Variants in PDE8A observed in about 807,000 individuals in gnomAD.
PDE8A encodes high affinity cAMP-specific and IBMX-insensitive 3',5'-cyclic phosphodiesterase 8A.
A neutral mutation model predicts 105.0 loss-of-function variants in PDE8A; 59 were observed. The ratio of observed to expected loss-of-function variants is 0.56; its 90% confidence interval spans 0.46 to 0.70. The LOEUF (loss-of-function observed/expected upper bound fraction) is 0.70. PDE8A is among the 30% of genes least tolerant of loss of function. PDE8A has a pLI of 0.00. For synonymous variants in PDE8A, 355 were observed against 371.9 expected (o/e 0.95, Z 0.52); for missense variants, 1,014 against 1,045.9 (o/e 0.97, Z 0.42).
At chr15:85,115,631 G>T in intron 15 of PDE8A, 144 bp downstream of exon 15, 1 of 569,646 alleles carries the variant, frequency 1.8e-6, no homozygotes, top group Non-Finnish European at 3.0e-6. Context: ...CCCTGAGGCG[G>T]TACTGTCCTC....
intron 1 of PDE8A, among the ~76,000 whole-genome samples, chr15:84,996,729 G>A (rs1330441730): frequency 6.7e-6 from 1 of 148,698 alleles, no homozygotes; most frequent in African/African-American, 2.5e-5. Context: ...AGGAGGCTGA[G>A]GCAGGAAAGT....
At chr15:84,981,111 C>T (rs990310118), upstream of PDE8A, among the ~76,000 whole-genome samples, 7 of 152,236 alleles carry the variant, frequency 4.6e-5, no homozygotes, top group Non-Finnish European at 1.0e-4. Context: ...GGTCAAGTAG[C>T]CGCTAAGTTA....
rs578100200 is a variant in PDE8A at position 85,036,901 on chromosome 15, C to T, written c.187-27469C>T. On this transcript the variant is annotated intron_variant, in intron 1 of 21. Transcript: ENST00000394553. ...TCTGACCCTTTCCTGTCCTCCCTGC[C>T]TCAGAAACAGCAGCTAGCAGATTGG... Among the ~76,000 whole-genome samples the T allele has an allele frequency of 1.3e-5, 2 of 152,216 alleles. 1 individual carries two copies. Among genetic ancestry groups the T allele is most frequent in the South Asian group, 4.1e-4 (2 of 4,820 alleles).
intron 17 of PDE8A, among the ~76,000 whole-genome samples, chr15:85,119,807 G>C (rs2082153460): frequency 6.6e-6 from 1 of 151,994 alleles, no homozygotes; most frequent in Non-Finnish European, 1.5e-5. Context: ...AATGACATTA[G>C]TTAGAAAATA....
At chr15:85,013,388 T>A (rs2080272219) in intron 1 of PDE8A, among the ~76,000 whole-genome samples, 1 of 152,224 alleles carries the variant, frequency 6.6e-6, no homozygotes, top group Non-Finnish European at 1.5e-5. Flanking sequence ...GAATTCTATC[T>A]TTTAGAGTTT....
Position 85,138,623 on chromosome 15 carries a change from A to G in PDE8A, c.*720A>G, listed in dbSNP as rs2082451864. The G allele has an allele frequency of 6.6e-6, 1 of 152,576 alleles. No homozygotes were observed. Among genetic ancestry groups the G allele is most frequent in the Non-Finnish European group, 1.5e-5 (1 of 68,042 alleles). 9.5% of individuals were successfully genotyped at this position (152,576 alleles called of 1,614,324 possible). On this transcript the variant is annotated 3_prime_UTR_variant, in exon 22 of 22. Coordinates refer to ENST00000394553, the MANE Select transcript of PDE8A (RefSeq NM_002605.3). ...CTTTTACTGCACTATAGAAATATTC[A>G]TGTATGTTAAACTTTTCTGATTGAG...
intron 1 of PDE8A, among the ~76,000 whole-genome samples, chr15:85,011,602 A>G (rs289377): frequency 0.75 from 113,324 of 152,018 alleles, 42,336 homozygotes; most frequent in Non-Finnish European, 0.77. Context: ...CCTAGAAGAA[A>G]ACCTAGGCAT....
intron 3 of PDE8A, among the ~76,000 whole-genome samples, chr15:85,071,385 C>T (rs913163705): frequency 6.6e-6 from 1 of 152,220 alleles, no homozygotes; most frequent in Non-Finnish European, 1.5e-5. Flanking sequence ...GCCCCTGATT[C>T]TTTACTTTCT....
chr15:85,071,057 A>C (rs2081302845), intron 3 of PDE8A, among the ~76,000 whole-genome samples: 1 of 152,240 alleles, frequency 6.6e-6, no homozygotes. Flanking sequence ...ATAAAAACCC[A>C]CAAAGATAAG....
chr15:85,005,853 G>A (rs1031605412), intron 1 of PDE8A, among the ~76,000 whole-genome samples: 4 of 152,064 alleles, frequency 2.6e-5, no homozygotes, highest in Non-Finnish European at 4.4e-5. Flanking sequence ...AGGAAATTGG[G>A]CCAAGGGAAC....
At chr15:85,062,850 A>T (rs970558472) in intron 1 of PDE8A, 10 of 152,234 alleles carry the variant, frequency 6.6e-5, no homozygotes, top group Admixed American at 4.6e-4. Context: ...GGGGAAACAG[A>T]TTCCTGGTGC....
intron 1 of PDE8A, among the ~76,000 whole-genome samples, chr15:85,007,425 C>T (rs7175477): frequency 0.12 from 17,559 of 149,344 alleles, 2,077 homozygotes; most frequent in African/African-American, 0.31. Context: ...TCTAGTATGC[C>T]GGTAATGTTG....
intron 20 of PDE8A, among the ~76,000 whole-genome samples, chr15:85,129,065 C>G (rs2082296637): frequency 6.6e-6 from 1 of 152,204 alleles, no homozygotes; most frequent in African/African-American, 2.4e-5. Flanking sequence ...TCACACTGAT[C>G]TTCATGTGCG....
At chr15:85,120,675 T>G in intron 17 of PDE8A, 122 bp from the exon 18 acceptor site, 1 of 661,534 alleles carries the variant, frequency 1.5e-6, no homozygotes, top group South Asian at 2.0e-5. Context: ...TCACGTAGTA[T>G]GCTTTTCTTA....
chr15:85,062,154 T>A (rs1233301366), intron 1 of PDE8A, among the ~76,000 whole-genome samples: 3 of 152,224 alleles, frequency 2.0e-5, no homozygotes, highest in African/African-American at 4.8e-5. Context: ...CTTTCCTGTT[T>A]GTGTGCTTTG....
At chr15:85,047,042 A>G (rs2141409619) in intron 1 of PDE8A, among the ~76,000 whole-genome samples, 1 of 152,372 alleles carries the variant, frequency 6.6e-6, no homozygotes, top group Non-Finnish European at 1.5e-5. Context: ...AAGAACGTGT[A>G]TAATTACTGA....
rs969620238 is a variant in PDE8A, at chr15:85,095,872, A to G, written c.853-2076A>G. Among the ~76,000 whole-genome samples the G allele has an allele frequency of 1.2e-4, 15 of 121,180 alleles. 1 individual carries two copies. Among genetic ancestry groups the G allele is most frequent in the Non-Finnish European group, 4.7e-5 (3 of 64,364 alleles). 79.5% of individuals were successfully genotyped at this position (121,180 alleles called of 152,430 possible). A position where few individuals can be genotyped will look rare whatever the true frequency, so the allele number is the denominator to read the frequency against. ...AAGAAGATCCTGAATATATATATAT[A>G]TATTTTTTTTATATATATATTTTTT... On this transcript the variant is annotated intron_variant, in intron 8 of 21. Transcript: ENST00000394553.
chr15:85,127,376 C>T (rs2082272919), intron 20 of PDE8A, among the ~76,000 whole-genome samples: 2 of 152,154 alleles, frequency 1.3e-5, no homozygotes, highest in African/African-American at 2.4e-5. Flanking sequence ...GTAAGACATA[C>T]ATTTGCTTCT....
At chr15:85,130,441 A>G (rs552028495) in intron 20 of PDE8A, among the ~76,000 whole-genome samples, 5 of 152,320 alleles carry the variant, frequency 3.3e-5, no homozygotes, top group South Asian at 2.1e-4. Context: ...GGTACTTTGT[A>G]TGACCTTACC....
Sources: gnomAD v4.1 joint callset for allele counts (sites outside exome capture counted in the v4.1 genomes callset) on GRCh38, gnomAD v4.1.1 for gene constraint, MANE v1.5 for transcripts, NCBI Gene and HGNC (gene_info 2026-07-23, HGNC 2026-07-21) for gene names.